Variants in ZNF782 observed in about 807,000 individuals in gnomAD.
The protein encoded by ZNF782 is zinc finger protein 782.
A neutral mutation model predicts 13.0 loss-of-function variants in ZNF782; 12 were observed. The observed-to-expected ratio is 0.92, with a 90% CI of 0.59 to 1.50. ZNF782 has a LOEUF of 1.50. Ranked by LOEUF, ZNF782 falls within the 40% of genes most tolerant of loss-of-function variation. The pLI, the probability that ZNF782 is intolerant of heterozygous loss-of-function variation, is 0.00. For synonymous variants in ZNF782, 284 were observed against 283.0 expected (o/e 1.00, Z -0.04); for missense variants, 770 against 822.9 (o/e 0.94, Z 0.79).
At chr9:96,859,783 C>T (rs1194103883) in intron 3 of ZNF782, among the ~76,000 whole-genome samples, 1 of 152,176 alleles carries the variant, frequency 6.6e-6, no homozygotes, top group Non-Finnish European at 1.5e-5. Flanking sequence ...TAGACACCAG[C>T]TCAGCTACAG....
the ZNF782 span, among the ~76,000 whole-genome samples, chr9:96,917,887 C>CGCGTGTGTGTGTGTGTGTGTGTGTGT: frequency 7.4e-5 from 9 of 121,678 alleles, no homozygotes; most frequent in Admixed American, 2.6e-4. Flanking sequence ...CCACCCTTGG[C>CGCGTGTGTGTGTGTGTGTGTGTGTGT]GTGTGTGTGT....
rs146101946 is a variant in ZNF782 at position 96,822,555 on chromosome 9, C to T, written c.245-2777G>A. On this transcript the variant is annotated intron_variant, in intron 5 of 5. Coordinates refer to ENST00000481138, the MANE Select transcript of ZNF782 (RefSeq NM_001001662.3). ...GAGTAATAGTGCTTTCCCCCTTTTTCGAATTGAGACTATTTTATTCAGTTA... is the reference window on the plus strand; with the variant it reads ...GAGTAATAGTGCTTTCCCCCTTTTTTGAATTGAGACTATTTTATTCAGTTA... Among the ~76,000 whole-genome samples the T allele has an allele frequency of 2.4e-3, 372 of 152,128 alleles. 3 individuals carry two copies. Among genetic ancestry groups the T allele is most frequent in the African/African-American group, 8.1e-3 (336 of 41,536 alleles).
chr9:96,832,016 TTTTA>T (rs1322582921), intron 4 of ZNF782, among the ~76,000 whole-genome samples: 13 of 152,134 alleles, frequency 8.5e-5, no homozygotes, highest in Admixed American at 5.2e-4. Context: ...TAAGCTGCCA[TTTTA>T]TTTGTTTTTT....
At chr9:96,897,343 G>A in the ZNF782 span, among the ~76,000 whole-genome samples, 29 of 152,266 alleles carry the variant, frequency 1.9e-4, 1 homozygote, top group South Asian at 5.4e-3. Context: ...GCCACCAACA[G>A]GCAAAGGTGG....
At chr9:96,834,636 C>T (rs778961415) in intron 4 of ZNF782, among the ~76,000 whole-genome samples, 49 of 152,168 alleles carry the variant, frequency 3.2e-4, no homozygotes, top group Non-Finnish European at 5.3e-4. Flanking sequence ...CGTCCTCACC[C>T]GATGAAGCTG....
chr9:96,933,373 T>TTTTGTTTG, the ZNF782 span: 3 of 151,414 alleles, frequency 2.0e-5, no homozygotes, highest in African/African-American at 7.3e-5. Context: ...TTTAGGTCTT[T>TTTTGTTTG]TTTGTTTGTT....
chr9:96,867,795 T>A (rs200922913), intron 1 of ZNF782, among the ~76,000 whole-genome samples: 2 of 152,200 alleles, frequency 1.3e-5, no homozygotes, highest in Admixed American at 1.3e-4. Context: ...TTAGAGGCTG[T>A]CACCTTTCTG....
intron 1 of ZNF782, among the ~76,000 whole-genome samples, chr9:96,869,776 C>T (rs1450421552): frequency 6.6e-6 from 1 of 152,126 alleles, no homozygotes; most frequent in Non-Finnish European, 1.5e-5. Flanking sequence ...GAAGTAACAC[C>T]TTTTGATGCT....
chr9:96,844,736 T>C (rs571925340), intron 4 of ZNF782, among the ~76,000 whole-genome samples, 154 bp downstream of exon 4: 1 of 152,326 alleles, frequency 6.6e-6, no homozygotes, highest in South Asian at 2.1e-4. Flanking sequence ...AATTTTATTT[T>C]CTGTTAAGTA....
In ZNF782 at chr9:96,819,748, T is replaced by C. The variant is rs763822714; in HGVS notation, c.275A>G (p.Lys92Arg). Residue 92 changes from lysine to arginine, a missense_variant, in exon 6 of 6, where the codon AAG (lysine) becomes AGG (arginine). Lys to Arg is a conservative substitution (Grantham distance 26). Coordinates refer to ENST00000481138, the MANE Select transcript of ZNF782 (RefSeq NM_001001662.3). ...EDSQPDEISEKSPENQGKHLL... is the reference protein window; with the variant it reads ...EDSQPDEISERSPENQGKHLL... ...ATGTTTGCCTTGATTTTCTGGGCTC[T>C]TCTCTGAGATTTCATCAGGTTGGGA... The C allele has an allele frequency of 1.2e-6, 2 of 1,606,546 alleles. No homozygotes were observed. Among genetic ancestry groups the C allele is most frequent in the Admixed American group, 1.7e-5 (1 of 58,572 alleles).
At chr9:96,933,194 G>A in the ZNF782 span, among the ~76,000 whole-genome samples, 1 of 149,760 alleles carries the variant, frequency 6.7e-6, no homozygotes, top group Non-Finnish European at 1.5e-5. Context: ...TAGCCAGGAT[G>A]CTCTCAATCT....
In ZNF782 at chr9:96,818,914, T is replaced by G. The variant is rs1417738517; in HGVS notation, c.1109A>C (p.Glu370Ala). ...ATTCATAGAGCAGGATTTCCCACAT[T>G]CATTATACTCATAGGGTTTTGCCCT... ...HIRAKPYEYN[E>A]CGKSCSMNSH... The change falls in exon 6 of 6, where the codon GAA becomes GCA. Residue 370 changes from glutamate to alanine, a missense_variant. By Grantham distance (107) the Glu-to-Ala change is moderately radical. Transcript: ENST00000481138. 1 of 1,614,258 alleles carries G rather than the reference T, an allele frequency of 6.2e-7. No individual in the cohort carries two copies. Among genetic ancestry groups the G allele is most frequent in the Non-Finnish European group, 8.5e-7 (1 of 1,180,042 alleles).
At chr9:96,844,306 C>T (rs1851277399) in intron 4 of ZNF782, among the ~76,000 whole-genome samples, 1 of 152,184 alleles carries the variant, frequency 6.6e-6, no homozygotes, top group South Asian at 2.1e-4. Flanking sequence ...TTCATAGCAG[C>T]TTTACTCAGA....
At chr9:96,846,943 A>G (rs945457162) in intron 3 of ZNF782, among the ~76,000 whole-genome samples, 4 of 152,174 alleles carry the variant, frequency 2.6e-5, no homozygotes, top group African/African-American at 4.8e-5. Flanking sequence ...ATAGGCCACA[A>G]AACAAGTCTC....
chr9:96,887,755 C>G, the ZNF782 span: 1 of 152,050 alleles, frequency 6.6e-6, no homozygotes, highest in African/African-American at 2.4e-5. Flanking sequence ...ATAGCAAAGA[C>G]TTGGAACCAA....
At chr9:96,856,267 C>T (rs1564013739), upstream of ZNF782, among the ~76,000 whole-genome samples, 1 of 152,098 alleles carries the variant, frequency 6.6e-6, no homozygotes. Context: ...GGGTGCTCTG[C>T]AGAAGAGTAT....
At chr9:96,870,272 G>A (rs1851808185) in intron 1 of ZNF782, among the ~76,000 whole-genome samples, 1 of 152,166 alleles carries the variant, frequency 6.6e-6, no homozygotes, top group Admixed American at 6.5e-5. Flanking sequence ...AAGGTTGGAA[G>A]ACAAAGACTT....
chr9:96,927,603 T>TA, the ZNF782 span, among the ~76,000 whole-genome samples: 418 of 152,290 alleles, frequency 2.7e-3, 2 homozygotes, highest in African/African-American at 9.6e-3. Context: ...CCTAATATGT[T>TA]ACACTTTTTT....
intron 5 of ZNF782, among the ~76,000 whole-genome samples, chr9:96,825,172 T>C (rs1323737026): frequency 1.3e-5 from 2 of 151,978 alleles, no homozygotes; most frequent in African/African-American, 4.8e-5. Flanking sequence ...AAGGCTACAG[T>C]AACCAAAACA....
Sources: allele counts gnomAD v4.1 joint callset (sites outside exome capture counted in the v4.1 genomes callset), GRCh38; gene constraint gnomAD v4.1.1; transcripts MANE v1.5; gene names NCBI Gene and HGNC (gene_info 2026-07-23, HGNC 2026-07-21).